Variants in CNOT2 observed in about 807,000 individuals in gnomAD.
CNOT2 encodes CC chemokine receptor 4-negative regulator of transcription 2.
In CNOT2, 7 loss-of-function variants were observed where a neutral mutation model predicts 72.1. The observed-to-expected ratio is 0.10, with a 90% CI of 0.06 to 0.18. The LOEUF is 0.18. CNOT2 is among the 10% of genes least tolerant of loss of function. CNOT2 has a pLI of 1.00. For missense variants in CNOT2, 345 were observed against 660.3 expected, an observed-to-expected ratio of 0.52 and a Z score of 5.23; for synonymous variants, 196 against 225.6, an observed-to-expected ratio of 0.87 and a Z score of 1.17.
At chr12:70,331,990 T>C (rs769308247) in intron 6 of CNOT2, among the ~76,000 whole-genome samples, 4 of 151,422 alleles carry the variant, frequency 2.6e-5, no homozygotes, top group Non-Finnish European at 4.4e-5. Context: ...TTTCTTCACA[T>C]GCTTAGTCTT....
At position 70,270,878 on chromosome 12, in the gene CNOT2, A is replaced by G. The variant is rs143083689; in HGVS notation, c.-95-7254A>G. Among the ~76,000 whole-genome samples, 830 of 152,326 alleles carry G rather than the reference A, an allele frequency of 5.4e-3. 8 individuals are homozygous for G. The highest frequency in any genetic ancestry group is 0.018 in the African/African-American group (765 of 41,570). The stretch of plus-strand genomic sequence containing the variant: ...AATATGAGCACAGAAAGATAGAACT[A>G]TTGTTTTAATGAAAAGCACGGTGAA... On this transcript the variant is annotated intron_variant, in intron 1 of 15. Transcript: ENST00000229195.
At chr12:70,322,663 G>A (rs1456391023) in intron 4 of CNOT2, 2 of 151,614 alleles carry the variant, frequency 1.3e-5, no homozygotes, top group African/African-American at 4.8e-5. Context: ...TGGACTCCTA[G>A]CTTGAGAACA....
At chr12:70,269,892 A>AAT (rs1168381370) in intron 1 of CNOT2, among the ~76,000 whole-genome samples, 12 of 152,308 alleles carry the variant, frequency 7.9e-5, no homozygotes, top group Middle Eastern at 3.4e-3. Context: ...CTTAGTGCCT[A>AAT]ATATATATTA....
chr12:70,327,504 G>A (rs1402519666), intron 4 of CNOT2: 1 of 151,736 alleles, frequency 6.6e-6, no homozygotes, highest in African/African-American at 2.4e-5. Flanking sequence ...CCGTGGAGAA[G>A]TCAGTTAACT....
intron 2 of CNOT2, among the ~76,000 whole-genome samples, chr12:70,281,349 C>T (rs969308529): frequency 2.0e-5 from 3 of 152,170 alleles, no homozygotes; most frequent in Admixed American, 6.5e-5. Context: ...TCTGAAAGTG[C>T]TGGGATTACA....
chr12:70,338,615 A>G (rs186041824), intron 10 of CNOT2, 51 bp from the exon 11 acceptor site: 48 of 1,593,216 alleles, frequency 3.0e-5, no homozygotes, highest in Non-Finnish European at 3.8e-5. Context: ...TTTTTTTTCT[A>G]TTTTTTAACT....
At chr12:70,286,316 T>A (rs1870889568) in intron 2 of CNOT2, among the ~76,000 whole-genome samples, 1 of 148,922 alleles carries the variant, frequency 6.7e-6, no homozygotes, top group South Asian at 2.2e-4. Context: ...AGAATTAAAA[T>A]TTTTTTCCAT....
At chr12:70,296,991 T>G (rs1464984253) in intron 2 of CNOT2, among the ~76,000 whole-genome samples, 1 of 152,170 alleles carries the variant, frequency 6.6e-6, no homozygotes, top group East Asian at 1.9e-4. Flanking sequence ...ATGTTTTCCC[T>G]CTAAAGGGCA....
At chr12:70,266,839 C>CT (rs147817241) in intron 1 of CNOT2, among the ~76,000 whole-genome samples, 7,341 of 151,646 alleles carry the variant, frequency 0.048, 405 homozygotes, top group African/African-American at 0.13. Context: ...AGCATATAGT[C>CT]TTTTTTTTGT....
intron 1 of CNOT2, among the ~76,000 whole-genome samples, chr12:70,252,186 ATTTAT>A (rs1020974550): frequency 6.6e-6 from 1 of 151,936 alleles, no homozygotes; most frequent in Non-Finnish European, 1.5e-5. Context: ...TTTTATTTTT[ATTTAT>A]TTATTTCTTT....
chr12:70,302,986 C>T (rs1324916590), intron 2 of CNOT2, among the ~76,000 whole-genome samples: 1 of 152,146 alleles, frequency 6.6e-6, no homozygotes, highest in Admixed American at 6.5e-5. Context: ...TTCTTTGTCT[C>T]TTTTGATCTT....
At chr12:70,261,424 C>T (rs1465679072) in intron 1 of CNOT2, among the ~76,000 whole-genome samples, 5 of 146,902 alleles carry the variant, frequency 3.4e-5, no homozygotes, top group South Asian at 2.2e-4. Flanking sequence ...ACGCCATTCT[C>T]CTGCCTCGGC....
intron 2 of CNOT2, among the ~76,000 whole-genome samples, chr12:70,302,403 C>G (rs2135920964): frequency 6.6e-6 from 1 of 151,708 alleles, no homozygotes; most frequent in South Asian, 2.1e-4. Flanking sequence ...CCCAGAGATT[C>G]TGGTATGTTG....
At chr12:70,311,524 A>G (rs914081070) in intron 3 of CNOT2, among the ~76,000 whole-genome samples, 2 of 152,042 alleles carry the variant, frequency 1.3e-5, no homozygotes, top group Non-Finnish European at 2.9e-5. Context: ...GAAGAACTGT[A>G]TTCAAAATGT....
rs1565798998 is a variant in CNOT2, at chr12:70,310,969, C to T, written c.123C>T (p.Asn41=). 6.2e-7 allele frequency: 1 copy of T among 1,600,772 alleles called. No homozygotes were observed. Among genetic ancestry groups the T allele is most frequent in the Non-Finnish European group, 8.6e-7 (1 of 1,168,258 alleles). Residue 41 remains asparagine, a synonymous_variant, in exon 3 of 16, where the codon AAC becomes AAT. Transcript: ENST00000229195. ...EGVDSDYHDE[N]MYYSQSSMFP... is the part of the protein sequence containing the mutation. ...TCGACAGTGACTACCATGACGAAAA[C>T]ATGTACTACAGCCAGTCTTCTATGT...
At chr12:70,320,714 A>G (rs944625894) in intron 4 of CNOT2, among the ~76,000 whole-genome samples, 14 of 151,756 alleles carry the variant, frequency 9.2e-5, no homozygotes, top group Non-Finnish European at 1.8e-4. Context: ...CTTCAGAGCA[A>G]CTGCAAAGAA....
intron 2 of CNOT2, among the ~76,000 whole-genome samples, chr12:70,309,326 A>G (rs1876046875): frequency 6.6e-6 from 1 of 152,216 alleles, no homozygotes; most frequent in Non-Finnish European, 1.5e-5. Context: ...GCATATAGCA[A>G]AGTAATAGGT....
intron 2 of CNOT2, among the ~76,000 whole-genome samples, chr12:70,285,216 G>GTT (rs1172661205): frequency 1.4e-5 from 2 of 144,024 alleles, no homozygotes; most frequent in African/African-American, 5.1e-5. Flanking sequence ...TTTTGTTTTT[G>GTT]TTTTTTTTTT....
Position 70,354,148 on chromosome 12 carries a change from G to T in CNOT2, c.*233G>T. On this transcript the variant is annotated 3_prime_UTR_variant, in exon 16 of 16. Coordinates refer to ENST00000229195, the MANE Select transcript of CNOT2 (RefSeq NM_014515.7). ...TTTTTCTCTAGTTTGAGCAGGGTCT[G>T]AATTTTTTCATTTATTTCCTTTTTT... The T allele has an allele frequency of 1.4e-6, 1 of 733,326 alleles. No individual in the cohort carries two copies. Among genetic ancestry groups the T allele is most frequent in the Non-Finnish European group, 1.9e-6 (1 of 525,710 alleles). The allele number at this position is 733,326 out of a possible 1,614,324, so 45.4% of individuals were successfully genotyped here. A position where few individuals can be genotyped will look rare whatever the true frequency, so the allele number is the denominator to read the frequency against.
Sources: gnomAD v4.1 joint callset for allele counts (sites outside exome capture counted in the v4.1 genomes callset) on GRCh38, gnomAD v4.1.1 for gene constraint, MANE v1.5 for transcripts, NCBI Gene and HGNC (gene_info 2026-07-23, HGNC 2026-07-21) for gene names.